The following CUX1 variants were observed in gnomAD, a reference collection of about 807,000 sequenced individuals.
CUX1 encodes the protein cut like homeobox 1.
In CUX1, 31 loss-of-function variants were observed where a neutral mutation model predicts 158.8. The observed-to-expected ratio is 0.20, with a 90% CI of 0.15 to 0.26. CUX1 has a LOEUF of 0.26. Among genes scored for constraint, CUX1 ranks in the 10% least tolerant of loss-of-function variants. CUX1 has a pLI of 1.00. For missense variants in CUX1, 1,589 were observed against 2,014.6 expected (o/e 0.79, Z 4.04); for synonymous variants, 879 against 862.1 (o/e 1.02, Z -0.34).
chr7:102,199,705 C>T (rs1385965448), intron 16 of CUX1, among the ~76,000 whole-genome samples: 4 of 152,198 alleles, frequency 2.6e-5, no homozygotes, highest in African/African-American at 9.7e-5. Context: ...CATCTAACCC[C>T]GAGGAGAGTC....
At chr7:102,228,060 C>T (rs756167006) in intron 21 of CUX1, among the ~76,000 whole-genome samples, 1 of 147,846 alleles carries the variant, frequency 6.8e-6, no homozygotes, top group African/African-American at 2.5e-5. Flanking sequence ...AAGTGACTGT[C>T]GTGCCCCAGC....
chr7:102,036,570 C>T (rs1437495553), intron 3 of CUX1, among the ~76,000 whole-genome samples: 1 of 151,814 alleles, frequency 6.6e-6, no homozygotes, highest in African/African-American at 2.4e-5. Context: ...GGTGAAACTT[C>T]GTCTCTACTA....
At chr7:102,045,789 G>A (rs1822707366) in intron 3 of CUX1, among the ~76,000 whole-genome samples, 1 of 152,216 alleles carries the variant, frequency 6.6e-6, no homozygotes, top group African/African-American at 2.4e-5. Flanking sequence ...CTCGGTAACT[G>A]CTGGTAGATT....
chr7:102,270,122 C>A (rs576342893), intron 14 of CUX1, among the ~76,000 whole-genome samples: 7 of 152,328 alleles, frequency 4.6e-5, no homozygotes, highest in African/African-American at 1.7e-4. Flanking sequence ...TGCCGAAGAT[C>A]GTGAAATTCA....
intron 2 of CUX1, among the ~76,000 whole-genome samples, chr7:101,985,796 A>G (rs1388614454): frequency 1.3e-5 from 2 of 152,358 alleles, no homozygotes; most frequent in East Asian, 3.9e-4. Context: ...GGTGTAACGA[A>G]AATTACAAAG....
intron 3 of CUX1, among the ~76,000 whole-genome samples, chr7:102,058,696 C>G (rs1410461358): frequency 6.6e-6 from 1 of 152,148 alleles, no homozygotes; most frequent in African/African-American, 2.4e-5. Context: ...TTTTATACAT[C>G]TACAATTTTT....
chr7:102,108,974 GA>G (rs2131044725), intron 6 of CUX1, among the ~76,000 whole-genome samples: 1 of 152,142 alleles, frequency 6.6e-6, no homozygotes, highest in South Asian at 2.1e-4. Flanking sequence ...TGCTGGTCTT[GA>G]ACTCCTGACC....
intron 3 of CUX1, among the ~76,000 whole-genome samples, chr7:102,049,506 G>A (rs75759755): frequency 0.011 from 1,691 of 152,126 alleles, 35 homozygotes; most frequent in African/African-American, 0.039. Flanking sequence ...GAGAAGAGGG[G>A]GAACCTGTGA....
rs1795993530 is a variant in CUX1 at position 102,206,766 on chromosome 7, G to C, written c.3130+1596G>C. On this transcript the variant is annotated intron_variant, in intron 20 of 23. Coordinates refer to ENST00000292535, the MANE Select transcript of CUX1 (RefSeq NM_181552.4). ...ACAAAAAAATTAGCTGAGTGTGGTGGTAGGAGCCTGTAATCCCAGCTAGTC... is the reference window on the plus strand; with the variant it reads ...ACAAAAAAATTAGCTGAGTGTGGTGCTAGGAGCCTGTAATCCCAGCTAGTC... Among the ~76,000 whole-genome samples, 3 of 152,152 alleles carry C rather than the reference G, an allele frequency of 2.0e-5. No homozygotes were observed. The South Asian group carries it at 6.2e-4, about 32-fold the overall frequency.
At chr7:102,271,705 C>T (rs1402191787) in intron 14 of CUX1, among the ~76,000 whole-genome samples, 1 of 152,210 alleles carries the variant, frequency 6.6e-6, no homozygotes, top group Non-Finnish European at 1.5e-5. Context: ...CTGCCAGGGA[C>T]CCAGGGGCTC....
At chr7:102,261,232 G>A (rs1176068722), downstream of CUX1, among the ~76,000 whole-genome samples, 22 of 152,222 alleles carry the variant, frequency 1.4e-4, no homozygotes, top group African/African-American at 4.8e-4. Context: ...GGTGGGTCAC[G>A]CCTATAATCC....
At chr7:101,857,157 C>A (rs1156806473) in intron 1 of CUX1, among the ~76,000 whole-genome samples, 4 of 152,204 alleles carry the variant, frequency 2.6e-5, no homozygotes. Flanking sequence ...CCGGTGTTAG[C>A]GTCACGTGGG....
At chr7:101,965,701 T>G (rs917721661) in intron 2 of CUX1, among the ~76,000 whole-genome samples, 1 of 151,238 alleles carries the variant, frequency 6.6e-6, no homozygotes, top group African/African-American at 2.4e-5. Context: ...CAAAAAAAAT[T>G]AGCGGGGCGT....
chr7:101,943,193 A>G (rs1179012177), intron 2 of CUX1, among the ~76,000 whole-genome samples: 1 of 143,352 alleles, frequency 7.0e-6, no homozygotes, highest in African/African-American at 2.6e-5. Context: ...TGCAACCTCC[A>G]CCTCCCTGGT....
intron 17 of CUX1, among the ~76,000 whole-genome samples, chr7:102,275,928 G>A (rs1791574346): frequency 6.6e-6 from 1 of 151,258 alleles, no homozygotes; most frequent in Non-Finnish European, 1.5e-5. Flanking sequence ...AGGATCGCTT[G>A]AACCTGGGAG....
chr7:101,943,041 T>C (rs1585048221), intron 2 of CUX1, among the ~76,000 whole-genome samples: 1 of 149,522 alleles, frequency 6.7e-6, no homozygotes, highest in Admixed American at 6.7e-5. Context: ...CACAGGTACC[T>C]AGTGGATGTT....
chr7:102,112,592 C>T (rs1465064345), intron 7 of CUX1, among the ~76,000 whole-genome samples: 12 of 149,720 alleles, frequency 8.0e-5, no homozygotes, highest in African/African-American at 3.0e-4. Flanking sequence ...TTTTTTGAGA[C>T]AGGGTCTTGC....
At position 102,282,678 on chromosome 7, in the gene CUX1, G is replaced by A. The variant is rs199802205; in HGVS notation, c.1903-34G>A. 3.6e-5 allele frequency: 58 copies of A among 1,607,266 alleles called. No individual in the cohort carries two copies. In the African/African-American group the frequency reaches 3.9e-4, roughly 11 times the overall value. On this transcript the variant is annotated intron_variant, in intron 21 of 22. Coordinates refer to the CUX1 transcript ENST00000292538. ...TGGGCTGCAGGGGTGGCCTTGAGGC[G>A]AACGGGCAGCTCACCGTGTCTCCAC...
At chr7:102,147,662 G>A (rs1420687463) in intron 8 of CUX1, among the ~76,000 whole-genome samples, 1 of 152,166 alleles carries the variant, frequency 6.6e-6, no homozygotes, top group African/African-American at 2.4e-5. Context: ...ATGGCTGTCT[G>A]TCAAGAAGAC....
Sources: gnomAD v4.1 joint callset for allele counts (sites outside exome capture counted in the v4.1 genomes callset) on GRCh38, gnomAD v4.1.1 for gene constraint, MANE v1.5 for transcripts, NCBI Gene and HGNC (gene_info 2026-07-23, HGNC 2026-07-21) for gene names.